Variants in KIAA1671 observed in about 807,000 individuals in gnomAD.
KIAA1671 encodes uncharacterized protein KIAA1671.
A neutral mutation model predicts 131.2 loss-of-function variants in KIAA1671; 52 were observed. The ratio of observed to expected loss-of-function variants is 0.40; its 90% CI spans 0.32 to 0.50. The LOEUF (loss-of-function observed/expected upper bound fraction) is 0.50. Among genes scored for constraint, KIAA1671 ranks in the 20% least tolerant of loss-of-function variants. The pLI is 0.73. For missense variants in KIAA1671, 2,360 were observed against 2,364.2 expected, an observed-to-expected ratio of 1.00 and a Z score of 0.04; for synonymous variants, 1,003 against 961.6, an observed-to-expected ratio of 1.04 and a Z score of -0.80.
intron 6 of KIAA1671, among the ~76,000 whole-genome samples, chr22:25,155,429 GT>G (rs1188899809): frequency 2.6e-5 from 4 of 151,764 alleles, no homozygotes; most frequent in African/African-American, 9.7e-5. Flanking sequence ...GTATGTGTGT[GT>G]GGGGGGGTTT....
At chr22:25,185,174 C>G in intron 11 of KIAA1671, 55 bp downstream of exon 11, 1 of 1,471,056 alleles carries the variant, frequency 6.8e-7, no homozygotes, top group Middle Eastern at 1.8e-4. Flanking sequence ...GGCTATACTT[C>G]TAGAGAGGTG....
Position 25,181,841 on chromosome 22 carries a change from AAG to A in KIAA1671, c.5199+21_5199+22del. ...TGCTAAAGGTACCAGACCTCTCACC[AAG>A]AGTCACCTGGTGGGCATGATCCTCA... On this transcript the variant is annotated intron_variant, in intron 10 of 12. Transcript: ENST00000358431. 1 of 1,549,428 alleles carries A rather than the reference AAG, an allele frequency of 6.5e-7. No homozygotes were observed. Among genetic ancestry groups the A allele is most frequent in the Non-Finnish European group, 8.7e-7 (1 of 1,145,352 alleles).
Position 25,029,179 on chromosome 22 carries a change from C to T in KIAA1671, c.1180C>T (p.Pro394Ser), listed in dbSNP as rs1385920131. 22 of 1,456,390 alleles carry T rather than the reference C, an allele frequency of 1.5e-5. No homozygotes were observed. The highest frequency in any genetic ancestry group is 1.9e-5 in the Non-Finnish European group (21 of 1,101,850). The allele number at this position is 1,456,390 out of a possible 1,614,324, so 90.2% of individuals were successfully genotyped here. ...CTGGGAAGAAAAGGCCAAGCTGGAC[C>T]CAGAGCCAGAGAAGGCTGCTGAGTC... is the stretch of plus-strand genomic sequence containing the variant. Reference protein sequence around the residue: ...SPWEEKAKLDPEPEKAAESPS... With the variant: ...SPWEEKAKLDSEPEKAAESPS... The change falls in exon 3 of 13, where the codon CCA becomes TCA. Residue 394 changes from proline (P) to serine (S), a missense_variant. Physicochemically the swap from Pro to Ser is moderately conservative, Grantham distance 74 (BLOSUM62 -1). Around this residue, in one of 3 missense-constraint regions of KIAA1671, gnomAD observed 1,185 missense variants for 1,126.2 expected, o/e 1.05. Transcript: ENST00000358431.
rs559971971 is a variant in KIAA1671, at chr22:25,104,074, G to T, written c.4530+54710G>T. Among the ~76,000 whole-genome samples the T allele has an allele frequency of 3.3e-5, 5 of 152,260 alleles. No homozygotes were observed. In the East Asian group the frequency reaches 9.7e-4, roughly 29 times the overall value. On this transcript the variant is annotated intron_variant, in intron 6 of 12. Transcript: ENST00000358431. ...GCTCACTGCAACCTCGGCCTCCTGG[G>T]TTCAAGCGATTCTCCTGCCTCAGCC...
chr22:25,040,679 T>C lies in KIAA1671; in HGVS notation c.3549T>C (p.Ser1183=), dbSNP rs1926869901. The change falls in exon 5 of 13, where the codon AGT becomes AGC. Residue 1183 remains serine (S), a synonymous_variant. Coordinates refer to ENST00000358431, the MANE Select transcript of KIAA1671 (RefSeq NM_001145206.2). The part of the protein sequence containing the change: ...LPVRRKTDVI[S]DTFPGKIRDG... ...TGAGAAGGAAGACTGATGTGATCAG[T>C]GACACGTTCCCAGGTAAAATCAGAG... The C allele has an allele frequency of 1.9e-6, 3 of 1,552,012 alleles. No individual in the cohort carries two copies. In the South Asian group the frequency reaches 3.6e-5, roughly 18 times the overall value.
At chr22:25,099,260 C>G (rs1197013193) in intron 6 of KIAA1671, among the ~76,000 whole-genome samples, 2 of 152,096 alleles carry the variant, frequency 1.3e-5, no homozygotes, top group South Asian at 2.1e-4. Flanking sequence ...CGTTTTTCTC[C>G]CCTTTTAAAG....
At chr22:25,185,204 T>G in intron 11 of KIAA1671, 85 bp downstream of exon 11, 1 of 1,346,776 alleles carries the variant, frequency 7.4e-7, no homozygotes, top group Non-Finnish European at 9.9e-7. Context: ...GTTTTAGAGC[T>G]GAATAGAAGA....
chr22:24,964,104 G>A (rs1225819524), intron 1 of KIAA1671, among the ~76,000 whole-genome samples: 2 of 152,096 alleles, frequency 1.3e-5, no homozygotes, highest in East Asian at 1.9e-4. Flanking sequence ...CAAGGCAGGC[G>A]GATCACTTGA....
chr22:25,123,457 G>T lies in KIAA1671; in HGVS notation c.4531-47363G>T, dbSNP rs539269865. Among the ~76,000 whole-genome samples the T allele has an allele frequency of 1.5e-3, 234 of 152,248 alleles. 2 individuals carry two copies. The highest frequency in any genetic ancestry group is 6.8e-3 in the Middle Eastern group (2 of 294). On this transcript the variant is annotated intron_variant, in intron 6 of 12. Transcript: ENST00000358431. Reference sequence around the variant, plus strand: ...TCCACCCGCCTTGGCCTCCCAAAGTGCTGGGATTACAGGCGTGAGCTACCG... The same window carrying T: ...TCCACCCGCCTTGGCCTCCCAAAGTTCTGGGATTACAGGCGTGAGCTACCG...
intron 11 of KIAA1671, among the ~76,000 whole-genome samples, chr22:25,187,430 TATGA>T (rs1354971514): frequency 6.6e-6 from 1 of 152,216 alleles, no homozygotes; most frequent in African/African-American, 2.4e-5. Context: ...CCATGTTCCA[TATGA>T]ATGTTTTCCC....
intron 6 of KIAA1671, among the ~76,000 whole-genome samples, chr22:25,140,904 A>C (rs2145960325): frequency 6.6e-6 from 1 of 152,316 alleles, no homozygotes; most frequent in South Asian, 2.1e-4. Context: ...ATTGGTCAAA[A>C]ATATATGGGA....
chr22:25,038,966 C>T lies in KIAA1671; in HGVS notation c.1836C>T (p.Ala612=). 1 of 1,551,766 alleles carries T rather than the reference C, an allele frequency of 6.4e-7. No homozygotes were observed. Among genetic ancestry groups the T allele is most frequent in the Non-Finnish European group, 8.7e-7 (1 of 1,147,028 alleles). Residue 612 remains alanine (A), a synonymous_variant, in exon 5 of 13, where the codon GCC becomes GCT. Coordinates refer to ENST00000358431, the MANE Select transcript of KIAA1671 (RefSeq NM_001145206.2). The part of the protein sequence containing the change: ...EDDRSFQTVW[A]TVFEHHVERH... ...ACCGGAGCTTCCAGACTGTGTGGGC[C>T]ACAGTATTTGAGCACCACGTGGAGA...
chr22:25,093,854 C>CTCTT (rs1930262625), intron 6 of KIAA1671, among the ~76,000 whole-genome samples: 4 of 114,704 alleles, frequency 3.5e-5, no homozygotes, highest in African/African-American at 1.2e-4. Flanking sequence ...CTCTCTCTCT[C>CTCTT]TCTCTCTCTC....
At chr22:25,019,050 TTGTGTGTGTGTGTGTGTGTGTG>T (rs377368958) in intron 1 of KIAA1671, among the ~76,000 whole-genome samples, 2 of 144,108 alleles carry the variant, frequency 1.4e-5, no homozygotes, top group Admixed American at 6.9e-5. Context: ...AATAGTTGTT[TTGTGTGTGTGTGTGTGTGTGTG>T]TGTGTGTGTG....
intron 6 of KIAA1671, among the ~76,000 whole-genome samples, chr22:25,075,280 C>T (rs1315978766): frequency 6.6e-6 from 1 of 152,082 alleles, no homozygotes; most frequent in African/African-American, 2.4e-5. Context: ...ACAGGTCCTT[C>T]CCTCCCCTCC....
At chr22:25,155,052 A>G (rs1008006740) in intron 6 of KIAA1671, among the ~76,000 whole-genome samples, 1 of 152,206 alleles carries the variant, frequency 6.6e-6, no homozygotes, top group African/African-American at 2.4e-5. Flanking sequence ...TCTGAGGCCC[A>G]GGGGACCTTG....
At chr22:25,092,773 A>C (rs139075316) in intron 6 of KIAA1671, among the ~76,000 whole-genome samples, 1 of 152,284 alleles carries the variant, frequency 6.6e-6, no homozygotes, top group Non-Finnish European at 1.5e-5. Context: ...AGTGGTGCCA[A>C]ATTTTACTGC....
chr22:25,120,584 C>T (rs1205249128), intron 6 of KIAA1671, among the ~76,000 whole-genome samples: 1 of 152,186 alleles, frequency 6.6e-6, no homozygotes, highest in Non-Finnish European at 1.5e-5. Context: ...CCCCAACCAA[C>T]AAAATACGGT....
intron 6 of KIAA1671, among the ~76,000 whole-genome samples, chr22:25,076,944 A>G: frequency 6.6e-6 from 1 of 152,190 alleles, no homozygotes; most frequent in South Asian, 2.1e-4. Flanking sequence ...TTGAAAGGCT[A>G]GGTATCTCCT....
Sources: gnomAD v4.1 joint callset for allele counts (sites outside exome capture counted in the v4.1 genomes callset) on GRCh38, gnomAD v4.1.1 for gene constraint, gnomAD v4.1.1 regional missense constraint, MANE v1.5 for transcripts, NCBI Gene and HGNC (gene_info 2026-07-23, HGNC 2026-07-21) for gene names.